Variants in NID1 observed in about 807,000 individuals in gnomAD.
NID1 encodes nidogen-1.
In NID1, 76 loss-of-function variants were observed where a neutral mutation model predicts 130.6. The observed-to-expected ratio is 0.58, with a 90% CI of 0.48 to 0.70. The LOEUF is 0.70. NID1 is among the 30% of genes least tolerant of loss of function. The pLI, the probability that NID1 is intolerant of heterozygous loss-of-function variation, is 0.00. For synonymous variants in NID1, 665 were observed against 675.1 expected, an observed-to-expected ratio of 0.98 and a Z score of 0.23; for missense variants, 1,517 against 1,664.8, an observed-to-expected ratio of 0.91 and a Z score of 1.54.
chr1:235,996,750 G>A (rs551104768), intron 12 of NID1, among the ~76,000 whole-genome samples: 1 of 151,222 alleles, frequency 6.6e-6, no homozygotes, highest in Non-Finnish European at 1.5e-5. Context: ...GCCACTTCAT[G>A]TATTTTTTTA....
chr1:236,016,298 A>C (rs563843846), intron 10 of NID1, among the ~76,000 whole-genome samples: 1 of 152,156 alleles, frequency 6.6e-6, no homozygotes, highest in Admixed American at 6.6e-5. Context: ...ACACCACCTC[A>C]CCCCACGACC....
At chr1:236,044,058 G>A (rs2385057) in intron 3 of NID1, among the ~76,000 whole-genome samples, 75,249 of 151,894 alleles carry the variant, frequency 0.5, 19,380 homozygotes, top group East Asian at 0.68. Flanking sequence ...ATATTATACG[G>A]TGGACAGAGG....
intron 10 of NID1, among the ~76,000 whole-genome samples, chr1:236,014,925 T>G (rs1658545020): frequency 6.6e-6 from 1 of 152,198 alleles, no homozygotes; most frequent in Non-Finnish European, 1.5e-5. Context: ...TTCAATTAAC[T>G]GCAAAAGTTG....
rs1354472770 is a variant in NID1, at chr1:235,979,279, C to G, written c.3510-172G>C. ...CCTGGGGTGGGTCAAGCCTGCATTT[C>G]TCTGGCTTTTTACAAAAGGGTAAAG... On this transcript the variant is annotated intron_variant, in intron 18 of 19. Transcript: ENST00000264187. The surrounding 1 kb of genome is among the most constrained non-coding windows in gnomAD (Gnocchi z 4.6). 1.3e-5 allele frequency among the ~76,000 whole-genome samples: 2 copies of G among 152,114 alleles called. No homozygotes were observed. The highest frequency in any genetic ancestry group is 2.4e-5 in the African/African-American group (1 of 41,418).
At position 236,055,306 on chromosome 1, in the gene NID1, A is replaced by T. The variant is rs143776249; in HGVS notation, c.226-6317T>A. On this transcript the variant is annotated intron_variant, in intron 1 of 19. Coordinates refer to ENST00000264187, the MANE Select transcript of NID1 (RefSeq NM_002508.3). ...GCGACAGAGCAAGACTCCATCTCAA[A>T]AATAATAATAATAATAATAATAATT... is the stretch of plus-strand genomic sequence containing the variant. 4.4e-3 allele frequency among the ~76,000 whole-genome samples: 665 copies of T among 151,288 alleles called. 6 individuals carry two copies. Among genetic ancestry groups the T allele is most frequent in the African/African-American group, 0.015 (635 of 41,246 alleles).
rs1451156086 is a variant in NID1, at chr1:235,979,112, A to G, written c.3510-5T>C. The G allele has an allele frequency of 2.5e-6, 4 of 1,586,076 alleles. No individual in the cohort carries two copies. The highest frequency in any genetic ancestry group is 3.5e-6 in the Non-Finnish European group (4 of 1,154,488). On this transcript the variant is annotated splice_region_variant and splice_polypyrimidine_tract_variant and intron_variant, in intron 18 of 19. Transcript: ENST00000264187. This position sits in a 1 kb window ranked among gnomAD's most constrained non-coding sequence, Gnocchi z 4.6. ...TCGAGAGCAACCACGGAATTCCTAC[A>G]AAGCACCAAAGGGCAGAAGGTGAAA...
At chr1:235,984,263 CA>C (rs1178047901) in intron 15 of NID1, among the ~76,000 whole-genome samples, 1 of 152,076 alleles carries the variant, frequency 6.6e-6, no homozygotes, top group Non-Finnish European at 1.5e-5. Flanking sequence ...TTCACTAAAC[CA>C]AAGCATGAAA....
At chr1:236,011,663 C>G (rs1169494226) in intron 12 of NID1, among the ~76,000 whole-genome samples, 1 of 152,222 alleles carries the variant, frequency 6.6e-6, no homozygotes, top group Non-Finnish European at 1.5e-5. Flanking sequence ...CTCAACAACC[C>G]TTAGAACTCT....
In NID1 at chr1:236,029,748, C is replaced by T. The variant is rs1269260964; in HGVS notation, c.1540G>A (p.Gly514Ser). Residue 514 changes from glycine to serine, a missense_variant and splice_region_variant, in exon 7 of 20, where the codon GGT becomes AGT. Physicochemically the swap from Gly to Ser is moderately conservative, Grantham distance 56. Transcript: ENST00000264187. ...GFKNGFSITG[G>S]EFTRQAEVTF... ...ACCTCAGCCTGGCGAGTGAACTCAC[C>T]CCCTGAAAAACAAGATGAGACTGTC... 6.2e-7 allele frequency: 1 copy of T among 1,613,918 alleles called. No individual in the cohort carries two copies. Among genetic ancestry groups the T allele is most frequent in the Non-Finnish European group, 8.5e-7 (1 of 1,180,014 alleles).
chr1:236,029,294 A>C (rs1659027473), intron 7 of NID1, among the ~76,000 whole-genome samples: 1 of 152,250 alleles, frequency 6.6e-6, no homozygotes, highest in African/African-American at 2.4e-5. Context: ...GCTGAAAAGA[A>C]ATACACTTAA....
chr1:236,036,801 C>A (rs1263923807), intron 5 of NID1, among the ~76,000 whole-genome samples: 2 of 152,210 alleles, frequency 1.3e-5, no homozygotes, highest in Non-Finnish European at 2.9e-5. Flanking sequence ...TGTACCACCT[C>A]TGCAGAGAGC....
intron 1 of NID1, among the ~76,000 whole-genome samples, chr1:236,057,613 C>T (rs1659930774): frequency 6.6e-6 from 1 of 151,486 alleles, no homozygotes; most frequent in Non-Finnish European, 1.5e-5. Flanking sequence ...ACCTGTAATC[C>T]CAGCTACTCA....
At chr1:236,064,148 G>A (rs1027163565) in intron 1 of NID1, among the ~76,000 whole-genome samples, 2 of 152,212 alleles carry the variant, frequency 1.3e-5, no homozygotes, top group Admixed American at 6.5e-5. Context: ...ACTTCAACAA[G>A]TTGACAGCGA....
intron 7 of NID1, among the ~76,000 whole-genome samples, chr1:236,029,147 A>T (rs1161634683): frequency 1.3e-5 from 2 of 151,678 alleles, no homozygotes; most frequent in Non-Finnish European, 2.9e-5. Context: ...ACTGCACTCC[A>T]GCCTGGGCAA....
chr1:236,007,836 C>G (rs1450156166), intron 12 of NID1, among the ~76,000 whole-genome samples: 1 of 152,182 alleles, frequency 6.6e-6, no homozygotes. Flanking sequence ...TCCTGACGCA[C>G]AGAAACTGTG....
chr1:235,993,328 C>CGT lies in NID1; in HGVS notation c.2755+316_2755+317insAC, dbSNP rs532501287. 9.8e-5 allele frequency among the ~76,000 whole-genome samples: 15 copies of CGT among 152,320 alleles called. No individual in the cohort carries two copies. The East Asian group carries it at 2.5e-3, about 25-fold the overall frequency. ...GAGTTCTTCTGGGAGGCCTGGAGCACACACAGCCGCTCTGCTACCATTACA... is the reference window on the plus strand; with the variant it reads ...GAGTTCTTCTGGGAGGCCTGGAGCACGTACACAGCCGCTCTGCTACCATTACA... On this transcript the variant is annotated intron_variant, in intron 13 of 19. Transcript: ENST00000264187.
At position 236,064,783 on chromosome 1, in the gene NID1, G is replaced by A. The variant is rs761892242; in HGVS notation, c.225+72C>T. On this transcript the variant is annotated intron_variant, in intron 1 of 19. Transcript: ENST00000264187. ...GTCCCCGCCTGCTACGCCCAAGTCC[G>A]TCCGGCTCCACGGGCGCCCCCGGCC... The A allele has an allele frequency of 3.0e-5, 44 of 1,448,438 alleles. 1 individual carries two copies. In the Middle Eastern group the frequency reaches 8.8e-4, roughly 29 times the overall value. The allele number at this position is 1,448,438 out of a possible 1,614,324, so 89.7% of individuals were successfully genotyped here.
chr1:235,994,015 A>G lies in NID1; in HGVS notation c.2528-143T>C. On this transcript the variant is annotated intron_variant, in intron 12 of 19. Transcript: ENST00000264187. ...CTGGGTTTTGTTTCATCAGTTATTC[A>G]AAATGCAGAAACATCATTATTATTG... 3 of 659,228 alleles carry G rather than the reference A, an allele frequency of 4.6e-6. No homozygotes were observed. In the South Asian group the frequency reaches 5.9e-5, roughly 13 times the overall value. The allele number at this position is 659,228 out of a possible 1,614,324, so 40.8% of individuals were successfully genotyped here.
At chr1:236,044,760 T>A (rs1659549974) in intron 3 of NID1, among the ~76,000 whole-genome samples, 1 of 152,252 alleles carries the variant, frequency 6.6e-6, no homozygotes, top group South Asian at 2.1e-4. Context: ...TGTCAAATTC[T>A]ACAACATAAC....
Sources: gnomAD v4.1 joint callset for allele counts (sites outside exome capture counted in the v4.1 genomes callset) on GRCh38, gnomAD v4.1.1 for gene constraint, Gnocchi (gnomAD v3.1) non-coding constraint, MANE v1.5 for transcripts, NCBI Gene and HGNC (gene_info 2026-07-23, HGNC 2026-07-21) for gene names.